TEKT5: variants seen among roughly 807,000 people sequenced by gnomAD.
The protein encoded by TEKT5 is tektin 5.
TEKT5 carries 52 observed loss-of-function variants against 48.7 expected under a neutral mutation model. The observed-to-expected ratio is 1.07, with a 90% CI of 0.86 to 1.35. The LOEUF (loss-of-function observed/expected upper bound fraction) is 1.35, where lower values mean the gene tolerates loss of function less well. Among genes scored for constraint, TEKT5 ranks in the 40% most tolerant of loss-of-function variants. The pLI, the probability that TEKT5 is intolerant of heterozygous loss-of-function variation, is 0.00. For synonymous variants in TEKT5, 318 were observed against 267.6 expected, an observed-to-expected ratio of 1.19 and a Z score of -1.84; for missense variants, 831 against 641.6, an observed-to-expected ratio of 1.30 and a Z score of -3.19.
At chr16:10,659,933 T>C (rs989555158) in intron 5 of TEKT5, among the ~76,000 whole-genome samples, 3 of 152,158 alleles carry the variant, frequency 2.0e-5, no homozygotes, top group Admixed American at 6.6e-5. Context: ...CACTTTAAAG[T>C]AGTTAATTTT....
chr16:10,657,646 G>A (rs1306585324), intron 5 of TEKT5, among the ~76,000 whole-genome samples: 1 of 149,894 alleles, frequency 6.7e-6, no homozygotes, highest in East Asian at 2.0e-4. Flanking sequence ...CTGGAGTGCA[G>A]TGGCGCAATC....
At chr16:10,652,540 T>TACACAC (rs367639631) in intron 5 of TEKT5, among the ~76,000 whole-genome samples, 1 of 14,630 alleles carries the variant, frequency 6.8e-5, no homozygotes, top group African/African-American at 3.1e-4. Context: ...CAGGCAGACA[T>TACACAC]ACACACACAC....
intron 5 of TEKT5, among the ~76,000 whole-genome samples, chr16:10,643,357 C>T (rs1362839646): frequency 2.0e-5 from 3 of 150,696 alleles, no homozygotes; most frequent in South Asian, 2.1e-4. Flanking sequence ...GCAGGCTGGG[C>T]GACAGAGCGA....
At chr16:10,681,765 C>T (rs1179397357) in intron 4 of TEKT5, among the ~76,000 whole-genome samples, 4 of 152,000 alleles carry the variant, frequency 2.6e-5, no homozygotes, top group African/African-American at 4.8e-5. Context: ...CTTTCCTTCC[C>T]GCTTTCCCCT....
intron 5 of TEKT5, among the ~76,000 whole-genome samples, chr16:10,665,323 A>G (rs1182163800): frequency 1.3e-5 from 2 of 152,198 alleles, no homozygotes; most frequent in African/African-American, 4.8e-5. Flanking sequence ...CCAGGAACCA[A>G]TCCCAGTGAT....
At chr16:10,639,317 C>CA (rs1484008752) in intron 5 of TEKT5, among the ~76,000 whole-genome samples, 1 of 146,892 alleles carries the variant, frequency 6.8e-6, no homozygotes, top group African/African-American at 2.6e-5. Context: ...CTCCAAAAAA[C>CA]AAAAAACAAA....
chr16:10,692,228 A>G (rs1898992816), intron 1 of TEKT5, among the ~76,000 whole-genome samples: 3 of 152,022 alleles, frequency 2.0e-5, no homozygotes, highest in Admixed American at 6.6e-5. Flanking sequence ...TGGGAGGGAG[A>G]GCAGTAGGTC....
chr16:10,632,869 GACACACACACACAC>G (rs35503579), intron 6 of TEKT5, among the ~76,000 whole-genome samples: 56 of 131,732 alleles, frequency 4.3e-4, no homozygotes, highest in East Asian at 2.7e-3. Context: ...CACAGATGCA[GACACACACACACAC>G]ACACACACAC....
intron 6 of TEKT5, among the ~76,000 whole-genome samples, chr16:10,629,196 C>T (rs1022767545): frequency 2.0e-5 from 3 of 151,458 alleles, no homozygotes; most frequent in African/African-American, 4.9e-5. Flanking sequence ...TGCACAACAT[C>T]GTGAATGTAC....
At chr16:10,650,838 T>C (rs1473070818) in intron 5 of TEKT5, among the ~76,000 whole-genome samples, 2 of 151,306 alleles carry the variant, frequency 1.3e-5, no homozygotes, top group East Asian at 1.9e-4. Flanking sequence ...TGAGCAGAGA[T>C]TGTGGCATTG....
At chr16:10,661,486 A>G (rs1421886590) in intron 5 of TEKT5, among the ~76,000 whole-genome samples, 1 of 152,220 alleles carries the variant, frequency 6.6e-6, no homozygotes, top group Non-Finnish European at 1.5e-5. Context: ...AAGCAAGAGA[A>G]AGACATGATT....
intron 5 of TEKT5, among the ~76,000 whole-genome samples, chr16:10,641,646 C>G (rs995613414): frequency 6.6e-6 from 1 of 152,102 alleles, no homozygotes; most frequent in Non-Finnish European, 1.5e-5. Context: ...CATAGTGAGA[C>G]CTTGTCTCCA....
chr16:10,627,833 T>C (rs772246431), intron 6 of TEKT5, 34 bp from the exon 7 acceptor site: 1 of 1,580,298 alleles, frequency 6.3e-7, no homozygotes, highest in Non-Finnish European at 8.7e-7. Flanking sequence ...GCACAGGTTA[T>C]TCATTTATTT....
At chr16:10,689,126 A>C in intron 3 of TEKT5, 127 bp downstream of exon 3, 1 of 638,746 alleles carries the variant, frequency 1.6e-6, no homozygotes, top group Middle Eastern at 2.6e-4. Context: ...TTGAACATTT[A>C]CCAGCATACC....
chr16:10,627,620 G>A lies in TEKT5; in HGVS notation c.1421C>T (p.Thr474Ile), dbSNP rs143171228. ...CACCAGGCGCGGGGTGCAGGGGAAGGTCTTACGCATGCCCATGCACTTCTC... is the reference window on the plus strand; with the variant it reads ...CACCAGGCGCGGGGTGCAGGGGAAGATCTTACGCATGCCCATGCACTTCTC... The part of the protein sequence containing the change: ...DKEKCMGMRK[T>I]FPCTPRLVGH... The change falls in exon 7 of 7, where the codon ACC becomes ATC. Residue 474 changes from threonine (T) to isoleucine (I), a missense_variant. By Grantham distance (89) the Thr-to-Ile change is moderately conservative. Transcript: ENST00000283025. The A allele has an allele frequency of 5.3e-5, 86 of 1,614,230 alleles. No individual in the cohort carries two copies. The African/African-American group carries it at 9.3e-4, about 18-fold the overall frequency.
rs916062611 is a variant in TEKT5, at chr16:10,675,837, G to A, written c.1086+122C>T. 4 of 940,380 alleles carry A rather than the reference G, an allele frequency of 4.3e-6. No homozygotes were observed. In the East Asian group the frequency reaches 7.4e-5, roughly 17 times the overall value. The allele number at this position is 940,380 out of a possible 1,614,324, so 58.3% of individuals were successfully genotyped here. On this transcript the variant is annotated intron_variant, in intron 5 of 6. Transcript: ENST00000283025. ...AGGAAGAAAAAGACCACAGACCTTGGGAGAGAGGGTACTGCTTTGGCACCA... is the reference window on the plus strand; with the variant it reads ...AGGAAGAAAAAGACCACAGACCTTGAGAGAGAGGGTACTGCTTTGGCACCA...
chr16:10,679,206 T>A (rs903722354), intron 4 of TEKT5, among the ~76,000 whole-genome samples: 1 of 152,138 alleles, frequency 6.6e-6, no homozygotes, highest in Non-Finnish European at 1.5e-5. Context: ...ATGTTGCATA[T>A]GAAGCTGTCA....
At chr16:10,688,207 T>C (rs1357919281) in intron 3 of TEKT5, among the ~76,000 whole-genome samples, 4 of 152,236 alleles carry the variant, frequency 2.6e-5, no homozygotes, top group Non-Finnish European at 5.9e-5. Flanking sequence ...CCTCCTGCTA[T>C]ATTTGCATCT....
chr16:10,683,033 A>C (rs1898784616), intron 3 of TEKT5, among the ~76,000 whole-genome samples: 2 of 152,214 alleles, frequency 1.3e-5, no homozygotes, highest in African/African-American at 4.8e-5. Flanking sequence ...ATATATGTAT[A>C]TATGTACAGA....
Sources: allele counts gnomAD v4.1 joint callset (sites outside exome capture counted in the v4.1 genomes callset), GRCh38; gene constraint gnomAD v4.1.1; transcripts MANE v1.5; gene names NCBI Gene and HGNC (gene_info 2026-07-23, HGNC 2026-07-21).